ANO8: variants seen among roughly 807,000 people sequenced by gnomAD.
The protein encoded by ANO8 is anoctamin-8.
Under a neutral mutation model 120.4 loss-of-function variants are expected in ANO8, and 67 were observed. The observed-to-expected ratio is 0.56, with a 90% confidence interval of 0.46 to 0.68. ANO8 has a LOEUF of 0.68. ANO8 is among the 30% of genes least tolerant of loss of function. The pLI, the probability that ANO8 is intolerant of heterozygous loss-of-function variation, is 0.00. For missense variants in ANO8, 1,526 were observed against 1,737.6 expected (o/e 0.88, Z 2.16); for synonymous variants, 727 against 759.2 (o/e 0.96, Z 0.70).
rs116012951 is a variant in ANO8 at position 17,334,722 on chromosome 19, C to T, written c.-52G>A. The T allele has an allele frequency of 1.8e-3, 2,404 of 1,324,770 alleles. 31 individuals carry two copies. In the African/African-American group the frequency reaches 0.032, roughly 18 times the overall value. 82.1% of individuals were successfully genotyped at this position (1,324,770 alleles called of 1,614,324 possible). On this transcript the variant is annotated 5_prime_UTR_variant, in exon 1 of 18. Transcript: ENST00000159087. ...ACGGACGGCCCGGGCGACGGGGAGC[C>T]GCGGGCTCATGGGGCCGGTGCAGCC... is the stretch of plus-strand genomic sequence containing the variant.
chr19:17,333,653 C>G lies in ANO8; in HGVS notation c.217+37G>C. 1 of 564,098 alleles carries G rather than the reference C, an allele frequency of 1.8e-6. No homozygotes were observed. Among genetic ancestry groups the G allele is most frequent in the Non-Finnish European group, 2.5e-6 (1 of 408,112 alleles). The allele number at this position is 564,098 out of a possible 1,614,324, so 34.9% of individuals were successfully genotyped here. ...GAAGCCGAGCTCAGGAGAGCCGCAT[C>G]TGGGCACTGGGCGGGCGGGCGGGCG... On this transcript the variant is annotated intron_variant, in intron 2 of 17. Transcript: ENST00000159087. This position sits in a 1 kb window ranked among gnomAD's most constrained non-coding sequence, Gnocchi z 7.2.
intron 5 of ANO8, 68 bp from the exon 6 acceptor site, chr19:17,331,479 G>A: frequency 6.9e-7 from 1 of 1,442,492 alleles, no homozygotes; most frequent in Non-Finnish European, 9.7e-7. Flanking sequence ...GCCCCTCTTT[G>A]TCTGAAACCC....
chr19:17,334,168 G>GT (rs2074342701), intron 1 of ANO8, among the ~76,000 whole-genome samples: 1 of 152,230 alleles, frequency 6.6e-6, no homozygotes, highest in African/African-American at 2.4e-5. Context: ...CATTTCACAG[G>GT]TGAGGAAACT....
intron 16 of ANO8, 95 bp downstream of exon 16, chr19:17,327,140 G>A: frequency 2.8e-6 from 3 of 1,065,276 alleles, no homozygotes; most frequent in South Asian, 3.1e-5. Context: ...TGCAGTCTCT[G>A]CATTTGCCCT....
In ANO8 at chr19:17,323,508, C is replaced by G; in HGVS notation, c.*9G>C. The G allele has an allele frequency of 7.9e-7, 1 of 1,272,902 alleles. No homozygotes were observed. The allele number at this position is 1,272,902 out of a possible 1,614,324, so 78.9% of individuals were successfully genotyped here. On this transcript the variant is annotated 3_prime_UTR_variant, in exon 18 of 18. Transcript: ENST00000159087. The stretch of plus-strand genomic sequence containing the variant: ...TTGCATATGAGAAGAGAAGGCAGGG[C>G]GGGTAGAGCTAATGCCAGCCGCTGG...
chr19:17,334,257 T>C (rs1332106135), intron 1 of ANO8, among the ~76,000 whole-genome samples: 2 of 152,160 alleles, frequency 1.3e-5, no homozygotes, highest in Non-Finnish European at 2.9e-5. Context: ...TATGATTCTG[T>C]ATTCTTCGCG....
At chr19:17,329,069 G>T in intron 12 of ANO8, 86 bp from the exon 13 acceptor site, 1 of 1,120,870 alleles carries the variant, frequency 8.9e-7, no homozygotes, top group Non-Finnish European at 1.2e-6. Flanking sequence ...TGGGCGCCCC[G>T]CCGGAGCACC....
In ANO8 at chr19:17,330,511, G is replaced by A. The variant is rs564768813; in HGVS notation, c.994-7C>T. On this transcript the variant is annotated splice_polypyrimidine_tract_variant and splice_region_variant and intron_variant, in intron 8 of 17. Coordinates refer to ENST00000159087, the MANE Select transcript of ANO8 (RefSeq NM_020959.3). ...GGCTGATACGTCGCACGCCCTGATG[G>A]TGGGCAAAGACCGGGCCCAGCATGA... The A allele has an allele frequency of 8.0e-6, 12 of 1,506,888 alleles. No homozygotes were observed. In the African/African-American group the frequency reaches 1.4e-4, roughly 17 times the overall value. 93.3% of individuals were successfully genotyped at this position (1,506,888 alleles called of 1,614,324 possible). A position where few individuals can be genotyped will look rare whatever the true frequency, so the allele number is the denominator to read the frequency against.
At chr19:17,331,434 G>A in intron 5 of ANO8, 23 bp from the exon 6 acceptor site, 2 of 1,604,582 alleles carry the variant, frequency 1.2e-6, no homozygotes, top group Non-Finnish European at 8.5e-7. Context: ...GAGCACAGGT[G>A]ATCCCCGCCC....
Position 17,323,311 on chromosome 19 carries a change from CTGTGTGTGTGTG to C in ANO8, c.*194_*205del, listed in dbSNP as rs58263758. The C allele has an allele frequency of 0.11, 34,583 of 327,410 alleles. 1,860 individuals carry two copies. Among genetic ancestry groups the C allele is most frequent in the African/African-American group, 0.21 (9,798 of 45,684 alleles). The allele number at this position is 327,410 out of a possible 1,614,324, so 20.3% of individuals were successfully genotyped here. A position where few individuals can be genotyped will look rare whatever the true frequency, so the allele number is the denominator to read the frequency against. ...AAAAACAAATAAATAATCGCCTGTT[CTGTGTGTGTGTG>C]TGTGTGTGTGTGTGTGTGTGTTTTC... On this transcript the variant is annotated 3_prime_UTR_variant, in exon 18 of 18. Transcript: ENST00000159087.
rs1051755812 is a variant in ANO8 at position 17,324,743 on chromosome 19, G to A, written c.3305C>T (p.Ala1102Val). Reference sequence around the variant, plus strand: ...TGAGCCTTCCTCTTCGGGCCGGGGGGCTTCCAGCTCCTCAGCCAGGGCCTC... The same window carrying A: ...TGAGCCTTCCTCTTCGGGCCGGGGGACTTCCAGCTCCTCAGCCAGGGCCTC... Reference protein sequence around the residue: ...VDEALAEELEAPRPEEEGSGT... With the variant: ...VDEALAEELEVPRPEEEGSGT... Residue 1102 changes from alanine to valine, a missense_variant, in exon 17 of 18, where the codon GCC (alanine) becomes GTC (valine). By Grantham distance (64) the Ala-to-Val change is moderately conservative (BLOSUM62 0). Transcript: ENST00000159087. 2 of 1,530,078 alleles carry A rather than the reference G, an allele frequency of 1.3e-6. No homozygotes were observed. Among genetic ancestry groups the A allele is most frequent in the South Asian group, 2.6e-5 (2 of 77,088 alleles). The allele number at this position is 1,530,078 out of a possible 1,614,324, so 94.8% of individuals were successfully genotyped here.
chr19:17,326,667 A>G (rs1429487602), intron 16 of ANO8, among the ~76,000 whole-genome samples: 2 of 152,244 alleles, frequency 1.3e-5, no homozygotes, highest in Non-Finnish European at 2.9e-5. Context: ...TAAAGGCTGC[A>G]GGGACAGTGC....
At position 17,333,590 on chromosome 19, in the gene ANO8, C is replaced by T. The variant is rs779916673; in HGVS notation, c.218-36G>A. On this transcript the variant is annotated intron_variant, in intron 2 of 17. Transcript: ENST00000159087. The surrounding 1 kb of genome is among the most constrained non-coding windows in gnomAD (Gnocchi z 7.2). The stretch of plus-strand genomic sequence containing the variant: ...GCACAGGGACCGATGGCTCCTGCCA[C>T]GAGGGGGCCCAAGGCCTCCTACGTA... 1.3e-6 allele frequency: 2 copies of T among 1,553,156 alleles called. No homozygotes were observed. The highest frequency in any genetic ancestry group is 2.2e-5 in the South Asian group (2 of 90,000).
At chr19:17,332,400 G>A (rs2074325879) in intron 5 of ANO8, among the ~76,000 whole-genome samples, 1 of 152,130 alleles carries the variant, frequency 6.6e-6, no homozygotes, top group Non-Finnish European at 1.5e-5. Flanking sequence ...CACTGCGCCT[G>A]TTCCCCTGCT....
chr19:17,329,535 G>A (rs1205940281), intron 12 of ANO8: 1 of 587,018 alleles, frequency 1.7e-6, no homozygotes, highest in Non-Finnish European at 3.0e-6. Flanking sequence ...GACAGGACGA[G>A]CAGGAGCTGT....
chr19:17,330,304 G>T (rs2074307417), intron 9 of ANO8, 48 bp downstream of exon 9: 1 of 1,612,998 alleles, frequency 6.2e-7, no homozygotes, highest in Non-Finnish European at 8.5e-7. Context: ...TCAGCCCAAG[G>T]TGGAGCTAGG....
Position 17,333,661 on chromosome 19 carries a change from T to A in ANO8, c.217+29A>T. 2 of 207,036 alleles carry A rather than the reference T, an allele frequency of 9.7e-6. No homozygotes were observed. Among genetic ancestry groups the A allele is most frequent in the Non-Finnish European group, 1.3e-5 (2 of 153,630 alleles). 12.8% of individuals were successfully genotyped at this position (207,036 alleles called of 1,614,324 possible). A position where few individuals can be genotyped will look rare whatever the true frequency, so the allele number is the denominator to read the frequency against. On this transcript the variant is annotated intron_variant, in intron 2 of 17. Coordinates refer to ENST00000159087, the MANE Select transcript of ANO8 (RefSeq NM_020959.3). This position sits in a 1 kb window ranked among gnomAD's most constrained non-coding sequence, Gnocchi z 7.2. ...GCTCAGGAGAGCCGCATCTGGGCACTGGGCGGGCGGGCGGGCGGGCTTGGG... is the reference window on the plus strand; with the variant it reads ...GCTCAGGAGAGCCGCATCTGGGCACAGGGCGGGCGGGCGGGCGGGCTTGGG...
rs1599541541 is a variant in ANO8 at position 17,323,722 on chromosome 19, C to T, written c.3494G>A (p.Arg1165His). 9.0e-6 allele frequency: 10 copies of T among 1,116,106 alleles called. No homozygotes were observed. The African/African-American group carries it at 1.0e-4, about 11-fold the overall frequency. The allele number at this position is 1,116,106 out of a possible 1,614,324, so 69.1% of individuals were successfully genotyped here. Reference protein sequence around the residue: ...WGCGGEGAAPRQALAAAECPP... With the variant: ...WGCGGEGAAPHQALAAAECPP... The stretch of plus-strand genomic sequence containing the variant: ...GCACTCGGCAGCGGCCAGGGCCTGG[C>T]GGGGGGCGGCACCCTCGCCCCCGCA... The change falls in exon 18 of 18, where the codon CGC (arginine) becomes CAC (histidine). Residue 1165 changes from arginine (R) to histidine (H), a missense_variant. Arg to His is a conservative substitution (Grantham distance 29, BLOSUM62 0). This residue lies in a region of ANO8 where 489 missense variants were observed against 548.6 expected (regional missense o/e 0.89). Transcript: ENST00000159087.
intron 12 of ANO8, chr19:17,329,504 C>T (rs2074301150): frequency 1.1e-5 from 6 of 547,330 alleles, no homozygotes; most frequent in South Asian, 2.1e-5. Flanking sequence ...CTGCAGCTGC[C>T]GCTCGAGGCT....
Sources: gnomAD v4.1 joint callset for allele counts (sites outside exome capture counted in the v4.1 genomes callset) on GRCh38, gnomAD v4.1.1 for gene constraint, gnomAD v4.1.1 regional missense constraint, Gnocchi (gnomAD v3.1) non-coding constraint, MANE v1.5 for transcripts, NCBI Gene and HGNC (gene_info 2026-07-23, HGNC 2026-07-21) for gene names.